TASP1: variants seen among roughly 807,000 people sequenced by gnomAD.
TASP1 encodes the protein taspase 1.
A neutral mutation model predicts 56.6 loss-of-function variants in TASP1; 16 were observed. The ratio of observed to expected loss-of-function variants is 0.28; its 90% CI spans 0.19 to 0.43. TASP1 has a LOEUF of 0.43. TASP1 is among the 20% of genes least tolerant of loss of function. The pLI is 1.00. For missense variants in TASP1, 393 were observed against 511.6 expected (o/e 0.77, Z 2.24); for synonymous variants, 179 against 184.2 (o/e 0.97, Z 0.23).
At chr20:13,436,196 T>C (rs1481925859) in intron 11 of TASP1, among the ~76,000 whole-genome samples, 1 of 151,950 alleles carries the variant, frequency 6.6e-6, no homozygotes, top group Admixed American at 6.6e-5. Flanking sequence ...GTTCAGAAAT[T>C]GTAGGCTTCA....
At chr20:13,534,164 G>A in intron 8 of TASP1, 23 bp from the exon 9 acceptor site, 1 of 1,612,482 alleles carries the variant, frequency 6.2e-7, no homozygotes, top group Non-Finnish European at 8.5e-7. Flanking sequence ...AGTGGCACAA[G>A]TATTCACTAG....
At chr20:13,583,628 G>A (rs2047201187) in intron 5 of TASP1, among the ~76,000 whole-genome samples, 1 of 152,150 alleles carries the variant, frequency 6.6e-6, no homozygotes, top group Non-Finnish European at 1.5e-5. Context: ...CATCTGTAAA[G>A]CATAGACCTC....
chr20:13,288,989 T>C, the TASP1 span, among the ~76,000 whole-genome samples: 2 of 152,124 alleles, frequency 1.3e-5, no homozygotes, highest in Non-Finnish European at 2.9e-5. Context: ...GGTTTCACCA[T>C]GTTGGCCAGG....
intron 11 of TASP1, among the ~76,000 whole-genome samples, chr20:13,451,174 C>G (rs1375359887): frequency 2.0e-5 from 3 of 152,064 alleles, no homozygotes; most frequent in Admixed American, 1.3e-4. Context: ...GTGCTGTCAT[C>G]TAGACTTTGT....
At chr20:13,124,921 C>T in the TASP1 span, among the ~76,000 whole-genome samples, 3 of 152,172 alleles carry the variant, frequency 2.0e-5, no homozygotes, top group Non-Finnish European at 4.4e-5. Flanking sequence ...TTCCAAATCA[C>T]CTTCATGAGG....
intron 10 of TASP1, among the ~76,000 whole-genome samples, chr20:13,487,406 G>A (rs1013507101): frequency 6.6e-6 from 1 of 152,146 alleles, no homozygotes; most frequent in Non-Finnish European, 1.5e-5. Context: ...CCCTGATTGT[G>A]TATTCTACAC....
chr20:13,579,181 T>C (rs1227010817), intron 6 of TASP1, among the ~76,000 whole-genome samples: 1 of 152,196 alleles, frequency 6.6e-6, no homozygotes, highest in Non-Finnish European at 1.5e-5. Context: ...CATGTTTAAA[T>C]GCACATTACA....
chr20:13,427,690 A>C (rs2042665789), intron 12 of TASP1, among the ~76,000 whole-genome samples: 1 of 152,178 alleles, frequency 6.6e-6, no homozygotes, highest in Non-Finnish European at 1.5e-5. Flanking sequence ...GGTAATGGGC[A>C]ATTTCTTAGG....
chr20:13,148,418 A>C, the TASP1 span, among the ~76,000 whole-genome samples: 1 of 152,140 alleles, frequency 6.6e-6, no homozygotes, highest in Non-Finnish European at 1.5e-5. Context: ...AACCACCCTC[A>C]GGGGTGGGGT....
chr20:13,499,509 C>T (rs1454195120), intron 10 of TASP1, among the ~76,000 whole-genome samples: 1 of 151,292 alleles, frequency 6.6e-6, no homozygotes, highest in Non-Finnish European at 1.5e-5. Context: ...CAACGCAAGG[C>T]AAAGCTGTTA....
intron 6 of TASP1, among the ~76,000 whole-genome samples, chr20:13,579,952 TCAC>T (rs1381726083): frequency 6.6e-6 from 1 of 152,194 alleles, no homozygotes; most frequent in Non-Finnish European, 1.5e-5. Context: ...TACAGCACTG[TCAC>T]CACAACTTTG....
At chr20:13,601,857 A>G (rs2147360682) in intron 4 of TASP1, among the ~76,000 whole-genome samples, 3 of 141,868 alleles carry the variant, frequency 2.1e-5, no homozygotes, top group African/African-American at 7.8e-5. Flanking sequence ...CTAAAAACCC[A>G]TAACCCCATT....
At chr20:13,227,428 C>G in the TASP1 span, among the ~76,000 whole-genome samples, 1,121 of 151,610 alleles carry the variant, frequency 7.4e-3, 11 homozygotes, top group African/African-American at 0.022. Flanking sequence ...TGGTCTCAAT[C>G]TCCTGACCTC....
At chr20:13,570,130 T>G (rs148372286) in intron 6 of TASP1, among the ~76,000 whole-genome samples, 14 of 152,218 alleles carry the variant, frequency 9.2e-5, no homozygotes, top group African/African-American at 3.1e-4. Context: ...AGTACTATGG[T>G]ATGTCCCAAA....
chr20:13,242,912 C>T, the TASP1 span, among the ~76,000 whole-genome samples: 1 of 152,122 alleles, frequency 6.6e-6, no homozygotes, highest in African/African-American at 2.4e-5. Flanking sequence ...GGGCCAGACA[C>T]TTTTTTAAGC....
chr20:13,149,469 C>A, the TASP1 span, among the ~76,000 whole-genome samples: 1 of 152,194 alleles, frequency 6.6e-6, no homozygotes, highest in Admixed American at 6.5e-5. Context: ...CCACCTCTGT[C>A]CCCAGGCCTT....
At chr20:13,322,665 G>A in the TASP1 span, among the ~76,000 whole-genome samples, 6 of 152,230 alleles carry the variant, frequency 3.9e-5, no homozygotes, top group Admixed American at 2.0e-4. Context: ...CAGACAGACA[G>A]ACTTTGAGAA....
chr20:13,623,570 C>T, intron 3 of TASP1, 56 bp from the exon 4 acceptor site: 1 of 1,264,388 alleles, frequency 7.9e-7, no homozygotes, highest in Non-Finnish European at 1.1e-6. Flanking sequence ...CTCAAACTTT[C>T]CAAAAGCTTA....
At chr20:13,113,305 G>C in the TASP1 span, among the ~76,000 whole-genome samples, 1 of 152,176 alleles carries the variant, frequency 6.6e-6, no homozygotes, top group Non-Finnish European at 1.5e-5. Context: ...TGCATATCTT[G>C]TTGGTACCTA....
Sources: allele counts gnomAD v4.1 joint callset (sites outside exome capture counted in the v4.1 genomes callset), GRCh38; gene constraint gnomAD v4.1.1; transcripts MANE v1.5; gene names NCBI Gene and HGNC (gene_info 2026-07-23, HGNC 2026-07-21).